The following HNF4G variants were observed in gnomAD, a reference collection of about 807,000 sequenced individuals.
HNF4G encodes the protein hepatocyte nuclear factor 4 gamma.
In HNF4G, 21 loss-of-function variants were observed where a neutral mutation model predicts 50.9. The ratio of observed to expected loss-of-function variants is 0.41; its 90% CI spans 0.29 to 0.59. The LOEUF (loss-of-function observed/expected upper bound fraction) is 0.59. Ranked by LOEUF, HNF4G falls within the 20% of genes least tolerant of loss-of-function variation. HNF4G has a pLI of 0.26. For synonymous variants in HNF4G, 198 were observed against 185.6 expected (o/e 1.07, Z -0.54); for missense variants, 527 against 559.4 (o/e 0.94, Z 0.58).
intron 1 of HNF4G, among the ~76,000 whole-genome samples, chr8:75,482,435 T>C (rs1022959464): frequency 3.7e-4 from 57 of 152,030 alleles, no homozygotes; most frequent in African/African-American, 1.3e-3. Context: ...GGCACAATCT[T>C]TGCTCACTGC....
intron 1 of HNF4G, among the ~76,000 whole-genome samples, chr8:75,478,616 C>G (rs1318716053): frequency 6.6e-6 from 1 of 152,166 alleles, no homozygotes; most frequent in Non-Finnish European, 1.5e-5. Context: ...GGCTTTGAAT[C>G]TTGGCTTTGT....
intron 1 of HNF4G, among the ~76,000 whole-genome samples, chr8:75,413,661 G>T (rs1222454074): frequency 1.3e-5 from 2 of 151,862 alleles, no homozygotes; most frequent in African/African-American, 4.8e-5. Context: ...TTGAGGTCAG[G>T]AATTTGAAAC....
At chr8:75,444,466 T>G (rs1470407240) in intron 1 of HNF4G, among the ~76,000 whole-genome samples, 115 of 134,492 alleles carry the variant, frequency 8.6e-4, no homozygotes, top group Middle Eastern at 3.8e-3. Context: ...ATTCTCCAAT[T>G]AAAAGACACA....
chr8:75,560,547 G>T, intron 9 of HNF4G, 81 bp downstream of exon 9: 1 of 1,435,576 alleles, frequency 7.0e-7, no homozygotes. Flanking sequence ...GAATCTATTA[G>T]TAACCAGAAA....
intron 2 of HNF4G, among the ~76,000 whole-genome samples, chr8:75,494,300 GCACACACACACACACA>G (rs755362411): frequency 2.1e-4 from 16 of 77,264 alleles, no homozygotes; most frequent in Non-Finnish European, 3.2e-4. Flanking sequence ...CTCCCATACA[GCACACACACACACACA>G]CACACACACA....
intron 2 of HNF4G, among the ~76,000 whole-genome samples, chr8:75,492,537 A>T (rs1367426268): frequency 6.6e-6 from 1 of 152,182 alleles, no homozygotes; most frequent in Non-Finnish European, 1.5e-5. Context: ...CTCACCAATA[A>T]TGATGGCCTT....
intron 3 of HNF4G, among the ~76,000 whole-genome samples, chr8:75,550,340 T>TCTCA (rs1185998782): frequency 6.6e-6 from 1 of 151,844 alleles, no homozygotes; most frequent in Non-Finnish European, 1.5e-5. Flanking sequence ...TGAGATGGAG[T>TCTCA]CTCACTCTGT....
chr8:75,478,105 A>G (rs950020952), intron 1 of HNF4G, among the ~76,000 whole-genome samples: 8 of 152,188 alleles, frequency 5.3e-5, no homozygotes, highest in African/African-American at 1.9e-4. Context: ...TGAGCTCAGG[A>G]GATCGAGACA....
upstream of HNF4G, among the ~76,000 whole-genome samples, chr8:75,536,588 T>C (rs1297660800): frequency 6.6e-6 from 1 of 152,046 alleles, no homozygotes; most frequent in Non-Finnish European, 1.5e-5. Flanking sequence ...TGAATTTTAA[T>C]GTGAATATAT....
chr8:75,420,972 T>C (rs1810761622), intron 1 of HNF4G, among the ~76,000 whole-genome samples: 1 of 152,234 alleles, frequency 6.6e-6, no homozygotes, highest in Non-Finnish European at 1.5e-5. Flanking sequence ...AAAGCAGTAC[T>C]GGACAATGAA....
intron 2 of HNF4G, among the ~76,000 whole-genome samples, chr8:75,497,477 A>G (rs1812801783): frequency 6.6e-6 from 1 of 152,156 alleles, no homozygotes; most frequent in African/African-American, 2.4e-5. Context: ...CGAGGTCAGG[A>G]GTTCGAGGTC....
chr8:75,462,396 C>CT (rs1170258541), intron 1 of HNF4G, among the ~76,000 whole-genome samples: 2 of 152,102 alleles, frequency 1.3e-5, no homozygotes, highest in Non-Finnish European at 2.9e-5. Context: ...TACTAAGTGA[C>CT]TAATGGCTGA....
intron 2 of HNF4G, chr8:75,527,178 A>G (rs1806207869): frequency 1.3e-5 from 2 of 152,298 alleles, no homozygotes; most frequent in South Asian, 4.1e-4. Context: ...TTGAACTACT[A>G]TCTAGGGTTC....
chr8:75,470,309 A>G (rs1281352474), intron 1 of HNF4G, among the ~76,000 whole-genome samples: 2 of 152,254 alleles, frequency 1.3e-5, no homozygotes, highest in Non-Finnish European at 2.9e-5. Context: ...TAAAGTGTAA[A>G]GAAGAAAATA....
At chr8:75,513,605 A>G (rs1226437097) in intron 2 of HNF4G, among the ~76,000 whole-genome samples, 2 of 152,046 alleles carry the variant, frequency 1.3e-5, no homozygotes, top group African/African-American at 4.8e-5. Context: ...TTGCATTTTT[A>G]TTTCAATAAT....
chr8:75,478,461 A>T (rs1563522220), intron 1 of HNF4G, among the ~76,000 whole-genome samples: 2 of 152,026 alleles, frequency 1.3e-5, no homozygotes, highest in East Asian at 3.9e-4. Flanking sequence ...TTTTCAAACA[A>T]TTTTTTTTCT....
rs79880096 is a variant in HNF4G, at chr8:75,449,826, G to A, written c.-143-40263G>A. 1.8e-3 allele frequency among the ~76,000 whole-genome samples: 281 copies of A among 152,136 alleles called. 1 individual carries two copies. Among genetic ancestry groups the A allele is most frequent in the Admixed American group, 4.0e-3 (61 of 15,278 alleles). On this transcript the variant is annotated intron_variant, in intron 1 of 10. Coordinates refer to the HNF4G transcript ENST00000354370. ...CCGGCCTATCTCAATAATATTTTTT[G>A]TTGTGAGATTTATGATACTGGTTTG...
At chr8:75,544,365 T>A (rs1806710260) in intron 2 of HNF4G, among the ~76,000 whole-genome samples, 1 of 152,194 alleles carries the variant, frequency 6.6e-6, no homozygotes, top group Admixed American at 6.5e-5. Context: ...TTCATATACC[T>A]CTAAACATTT....
rs1357716769 is a variant in HNF4G at position 75,517,186 on chromosome 8, C to A, written c.-23-26625C>A. Among the ~76,000 whole-genome samples, 3 of 152,138 alleles carry A rather than the reference C, an allele frequency of 2.0e-5. No individual in the cohort carries two copies. In the South Asian group the frequency reaches 6.2e-4, roughly 31 times the overall value. ...TGTATCAATTACCTCCCATCGGGTACCTCCCATTACATATGGGAATTATGG... is the reference window on the plus strand; with the variant it reads ...TGTATCAATTACCTCCCATCGGGTAACTCCCATTACATATGGGAATTATGG... On this transcript the variant is annotated intron_variant, in intron 2 of 10. Coordinates refer to the HNF4G transcript ENST00000354370.
Sources: allele counts gnomAD v4.1 joint callset (sites outside exome capture counted in the v4.1 genomes callset), GRCh38; gene constraint gnomAD v4.1.1; transcripts MANE v1.5; gene names NCBI Gene and HGNC (gene_info 2026-07-23, HGNC 2026-07-21).